LRRC57: variants seen among roughly 807,000 people sequenced by gnomAD.
LRRC57 encodes the protein leucine-rich repeat-containing protein 57.
Under a neutral mutation model 23.1 loss-of-function variants are expected in LRRC57, and 14 were observed. The ratio of observed to expected loss-of-function variants is 0.61; its 90% CI spans 0.40 to 0.95. LRRC57 has a LOEUF of 0.95. LRRC57 is among the 40% of genes least tolerant of loss of function. LRRC57 has a pLI of 0.00. For synonymous variants in LRRC57, 106 were observed against 115.2 expected, an observed-to-expected ratio of 0.92 and a Z score of 0.51; for missense variants, 236 against 284.4, an observed-to-expected ratio of 0.83 and a Z score of 1.22.
At chr15:42,532,242 C>G in the LRRC57 span, 1 of 152,206 alleles carries the variant, frequency 6.6e-6, no homozygotes, top group Non-Finnish European at 1.5e-5. Flanking sequence ...AGGCGTGTGT[C>G]ACCACGCTCG....
intron 4 of LRRC57, among the ~76,000 whole-genome samples, chr15:42,545,958 C>T (rs1045965588): frequency 6.6e-6 from 1 of 152,160 alleles, no homozygotes; most frequent in Admixed American, 6.6e-5. Flanking sequence ...TCTGCTCCCA[C>T]GTTTCCAACT....
At chr15:42,535,907 T>C (rs1425409119), downstream of LRRC57, among the ~76,000 whole-genome samples, 5 of 152,228 alleles carry the variant, frequency 3.3e-5, no homozygotes, top group East Asian at 9.7e-4. Context: ...GATGAGACCG[T>C]TTCTACAAAA....
In LRRC57 at chr15:42,539,166, G is replaced by A. The variant is rs997288734; in HGVS notation, c.*4917C>T. ...CCACTGCACTTCAGCCTGGGCAATAGAGCAAGACCCTGTCTCAAAAAATAC... is the reference window on the plus strand; with the variant it reads ...CCACTGCACTTCAGCCTGGGCAATAAAGCAAGACCCTGTCTCAAAAAATAC... On this transcript the variant is annotated 3_prime_UTR_variant, in exon 6 of 6. Coordinates refer to ENST00000397130, the MANE Select transcript of LRRC57 (RefSeq NM_153260.3). The A allele has an allele frequency of 1.3e-5, 2 of 151,992 alleles. No homozygotes were observed. The highest frequency in any genetic ancestry group is 4.8e-5 in the African/African-American group (2 of 41,304). The allele number at this position is 151,992 out of a possible 1,614,324, so 9.4% of individuals were successfully genotyped here.
chr15:42,529,897 G>A, the LRRC57 span: 1 of 1,471,000 alleles, frequency 6.8e-7, no homozygotes, highest in Non-Finnish European at 9.3e-7. Flanking sequence ...GCTAGATACT[G>A]TGGGGGACAC....
chr15:42,546,937 C>A (rs926256598), intron 4 of LRRC57, among the ~76,000 whole-genome samples: 4 of 152,198 alleles, frequency 2.6e-5, no homozygotes, highest in African/African-American at 9.6e-5. Context: ...TAGCTCCTGG[C>A]TAGCTGGTTA....
chr15:42,534,921 G>C (rs2057592854), downstream of LRRC57, among the ~76,000 whole-genome samples: 2 of 152,172 alleles, frequency 1.3e-5, no homozygotes, highest in Non-Finnish European at 2.9e-5. Context: ...ATAGAGCACA[G>C]GTAGAGTAGA....
chr15:42,529,443 A>G, the LRRC57 span, among the ~76,000 whole-genome samples: 1 of 152,180 alleles, frequency 6.6e-6, no homozygotes, highest in East Asian at 1.9e-4. Context: ...AAGCTTTGAG[A>G]AACACTGTTT....
chr15:42,535,020 A>G (rs1475816185), downstream of LRRC57, among the ~76,000 whole-genome samples: 1 of 152,222 alleles, frequency 6.6e-6, no homozygotes, highest in Non-Finnish European at 1.5e-5. Context: ...TTAGCCTCTA[A>G]CAAGAGAGTC....
At chr15:42,536,446 A>G (rs1046913601), downstream of LRRC57, among the ~76,000 whole-genome samples, 5 of 152,222 alleles carry the variant, frequency 3.3e-5, no homozygotes, top group Non-Finnish European at 5.9e-5. Flanking sequence ...TTCTCTCTAA[A>G]GTGGAGCTCT....
chr15:42,548,163 A>T lies in LRRC57; in HGVS notation c.166T>A (p.Leu56Met). 2 of 1,614,206 alleles carry T rather than the reference A, an allele frequency of 1.2e-6. No individual in the cohort carries two copies. The highest frequency in any genetic ancestry group is 1.7e-6 in the Non-Finnish European group (2 of 1,180,014). ...AGCAGAGTGAACTTTCCTATCAGCAAAGGCGGTAGGCTTTCGATCTTGTTG... is the reference window on the plus strand; with the variant it reads ...AGCAGAGTGAACTTTCCTATCAGCATAGGCGGTAGGCTTTCGATCTTGTTG... ...SNNKIESLPP[L>M]LIGKFTLLKS... is the part of the protein sequence containing the mutation. The change falls in exon 3 of 6, where the codon TTG (leucine) becomes ATG (methionine). Residue 56 changes from leucine to methionine, a missense_variant. Coordinates refer to ENST00000397130, the MANE Select transcript of LRRC57 (RefSeq NM_153260.3).
Sources: allele counts gnomAD v4.1 joint callset (sites outside exome capture counted in the v4.1 genomes callset), GRCh38; gene constraint gnomAD v4.1.1; transcripts MANE v1.5; gene names NCBI Gene and HGNC (gene_info 2026-07-23, HGNC 2026-07-21).